ADGRV1: variants seen among roughly 807,000 people sequenced by gnomAD.
ADGRV1 encodes the protein G-protein coupled receptor 98.
A neutral mutation model predicts 596.2 loss-of-function variants in ADGRV1; 359 were observed. That is an observed-to-expected ratio of 0.60 (90% CI 0.55 to 0.66). ADGRV1 has a LOEUF of 0.66. ADGRV1 is among the 30% of genes least tolerant of loss of function. ADGRV1 has a pLI of 0.00. For missense variants in ADGRV1, 7,274 were observed against 7,575.6 expected, an observed-to-expected ratio of 0.96 and a Z score of 1.48; for synonymous variants, 2,681 against 2,679.2, an observed-to-expected ratio of 1.00 and a Z score of -0.02.
chr5:90,839,751 G>T (rs369941421), intron 77 of ADGRV1, among the ~76,000 whole-genome samples: 1 of 151,994 alleles, frequency 6.6e-6, no homozygotes, highest in African/African-American at 2.4e-5. Flanking sequence ...TTCCATCACC[G>T]TGCATTCCCT....
chr5:91,156,948 A>G (rs1340785056), intron 89 of ADGRV1, among the ~76,000 whole-genome samples: 1 of 152,212 alleles, frequency 6.6e-6, no homozygotes, highest in East Asian at 1.9e-4. Context: ...ATACAGAGCT[A>G]TTTTCTAAAA....
chr5:90,957,200 G>A (rs1777556232), intron 83 of ADGRV1, among the ~76,000 whole-genome samples: 1 of 152,038 alleles, frequency 6.6e-6, no homozygotes, highest in South Asian at 2.1e-4. Context: ...CTTTTATTAA[G>A]CCTCAGTTTC....
At position 90,943,981 on chromosome 5, in the gene ADGRV1, A is replaced by G. The variant is rs114774130; in HGVS notation, c.17857-21434A>G. On this transcript the variant is annotated intron_variant, in intron 83 of 89. Coordinates refer to ENST00000405460, the MANE Select transcript of ADGRV1 (RefSeq NM_032119.4). ...TAGGGGGGGCACTATTCAACCCAGT[A>G]CCAACCCCCTTTTTAAATTATCTTT... Among the ~76,000 whole-genome samples the G allele has an allele frequency of 1.6e-3, 246 of 152,214 alleles. 2 individuals are homozygous for G. Among genetic ancestry groups the G allele is most frequent in the African/African-American group, 5.7e-3 (238 of 41,540 alleles).
chr5:90,975,895 G>T lies in ADGRV1; in HGVS notation c.17974-9449G>T, dbSNP rs1374230962. Reference sequence around the variant, plus strand: ...TAAGGCAGGGTTATATCTACTTTAAGAAAAATTGACAGTAAGAATTTAAAA... The same window carrying T: ...TAAGGCAGGGTTATATCTACTTTAATAAAAATTGACAGTAAGAATTTAAAA... On this transcript the variant is annotated intron_variant, in intron 84 of 89. Transcript: ENST00000405460. Among the ~76,000 whole-genome samples the T allele has an allele frequency of 2.6e-5, 4 of 151,706 alleles. No homozygotes were observed. The East Asian group carries it at 7.7e-4, about 29-fold the overall frequency.
At chr5:90,864,308 G>A (rs1370311327) in intron 83 of ADGRV1, among the ~76,000 whole-genome samples, 1 of 152,052 alleles carries the variant, frequency 6.6e-6, no homozygotes, top group South Asian at 2.1e-4. Flanking sequence ...TGAAAAATCA[G>A]TTTTCTATGG....
chr5:91,062,280 T>C (rs780460524), intron 85 of ADGRV1, among the ~76,000 whole-genome samples: 10 of 152,246 alleles, frequency 6.6e-5, no homozygotes, highest in Non-Finnish European at 1.2e-4. Flanking sequence ...AATGTGCAAC[T>C]GTCCCTGTCA....
At position 90,833,139 on chromosome 5, in the gene ADGRV1, T is replaced by C. The variant is rs183132913; in HGVS notation, c.16611+3953T>C. On this transcript the variant is annotated intron_variant, in intron 77 of 89. Transcript: ENST00000405460. Reference sequence around the variant, plus strand: ...TTTCCTATTTCTGTGAAGAATGTCATTGGCATTTTGATAAGGATTGTGTTG... The same window carrying C: ...TTTCCTATTTCTGTGAAGAATGTCACTGGCATTTTGATAAGGATTGTGTTG... Among the ~76,000 whole-genome samples the C allele has an allele frequency of 3.8e-4, 58 of 152,306 alleles. 1 individual carries two copies. The East Asian group carries it at 9.4e-3, about 25-fold the overall frequency.
chr5:91,005,782 A>G (rs16869330), intron 85 of ADGRV1, among the ~76,000 whole-genome samples: 21,025 of 151,992 alleles, frequency 0.14, 1,967 homozygotes, highest in African/African-American at 0.24. Flanking sequence ...CCTAATTCAA[A>G]TCCTCATGAT....
rs576377768 is a variant in ADGRV1, at chr5:90,967,996, G to A, written c.17973+2465G>A. ...GACATAGCAACCACTCTCATGGGTC[G>A]TGTTTCAGCAGGAACATTAATTATC... is the stretch of plus-strand genomic sequence containing the variant. On this transcript the variant is annotated intron_variant, in intron 84 of 89. Transcript: ENST00000405460. Among the ~76,000 whole-genome samples, 9 of 152,258 alleles carry A rather than the reference G, an allele frequency of 5.9e-5. No homozygotes were observed. In the South Asian group the frequency reaches 6.2e-4, roughly 11 times the overall value.
intron 83 of ADGRV1, among the ~76,000 whole-genome samples, chr5:90,892,039 T>G (rs977598852): frequency 1.3e-5 from 2 of 151,990 alleles, no homozygotes; most frequent in African/African-American, 4.8e-5. Flanking sequence ...TGGATTCTTT[T>G]GAAAAAATTG....
chr5:91,156,738 A>T (rs578191814), intron 89 of ADGRV1, among the ~76,000 whole-genome samples: 7 of 152,260 alleles, frequency 4.6e-5, no homozygotes, highest in Admixed American at 4.6e-4. Context: ...TTGGTTCCCT[A>T]TATTTTTAGA....
rs1749309380 is a variant in ADGRV1, at chr5:90,711,231, G to A, written c.8951G>A (p.Arg2984Lys). ...GGAAGTTTAACATTGGTAGCCCAGA[G>A]GAGCAGAGAACCTCTTGGCCATGTT... ...THGSLTLVAQ[R>K]SREPLGHVSL... Residue 2984 changes from arginine to lysine, a missense_variant, in exon 41 of 90, where the codon AGG becomes AAG. Around this residue, in one of 5 missense-constraint regions of ADGRV1, gnomAD observed 3,643 missense variants for 3,809.2 expected, o/e 0.96. Coordinates refer to ENST00000405460, the MANE Select transcript of ADGRV1 (RefSeq NM_032119.4). 1.9e-6 allele frequency: 3 copies of A among 1,613,128 alleles called. No homozygotes were observed. Among genetic ancestry groups the A allele is most frequent in the East Asian group, 4.5e-5 (2 of 44,852 alleles).
intron 58 of ADGRV1, chr5:90,759,831 G>T: frequency 2.3e-6 from 1 of 429,604 alleles, no homozygotes; most frequent in Non-Finnish European, 4.4e-6. Flanking sequence ...TGGGCGTGGT[G>T]GCACATGCCT....
intron 85 of ADGRV1, among the ~76,000 whole-genome samples, chr5:91,057,847 G>A (rs1307994880): frequency 6.6e-6 from 1 of 152,104 alleles, no homozygotes; most frequent in Non-Finnish European, 1.5e-5. Flanking sequence ...ATGCAAAAAT[G>A]TTGATGTGTG....
intron 85 of ADGRV1, among the ~76,000 whole-genome samples, chr5:91,044,578 G>T (rs1220012612): frequency 2.6e-5 from 4 of 152,070 alleles, no homozygotes; most frequent in Non-Finnish European, 5.9e-5. Context: ...ATAGCCAAAG[G>T]TTGTTTAAGT....
intron 83 of ADGRV1, among the ~76,000 whole-genome samples, chr5:90,877,529 G>A (rs531122784): frequency 2.6e-5 from 4 of 151,370 alleles, no homozygotes; most frequent in South Asian, 2.1e-4. Context: ...GTACTACTGC[G>A]TATGGAGAAA....
chr5:90,908,457 ATTCT>A (rs1185283274), intron 83 of ADGRV1, among the ~76,000 whole-genome samples: 1 of 152,164 alleles, frequency 6.6e-6, no homozygotes, highest in Non-Finnish European at 1.5e-5. Context: ...GTATATACAC[ATTCT>A]TTCTATTTCT....
intron 83 of ADGRV1, among the ~76,000 whole-genome samples, chr5:90,941,137 T>TA (rs11322873): frequency 0.11 from 16,397 of 148,590 alleles, 909 homozygotes; most frequent in East Asian, 0.19. Context: ...GAAAAGTACT[T>TA]AAAAAAAAAA....
intron 52 of ADGRV1, among the ~76,000 whole-genome samples, chr5:90,748,302 C>T (rs1435572776): frequency 6.6e-6 from 1 of 152,110 alleles, no homozygotes; most frequent in Non-Finnish European, 1.5e-5. Context: ...ATAATGTGTG[C>T]CTCATATGTA....
Sources: allele counts gnomAD v4.1 joint callset (sites outside exome capture counted in the v4.1 genomes callset), GRCh38; gene constraint gnomAD v4.1.1; regional missense constraint gnomAD v4.1.1; transcripts MANE v1.5; gene names NCBI Gene and HGNC (gene_info 2026-07-23, HGNC 2026-07-21).